NEXMIF: variants seen among roughly 807,000 people sequenced by gnomAD.
NEXMIF encodes the protein XLMR protein related to neurite extension.
Under a neutral mutation model 62.1 loss-of-function variants are expected in NEXMIF, and 8 were observed. That is an observed-to-expected ratio of 0.13 (90% confidence interval 0.08 to 0.23). NEXMIF has a LOEUF of 0.23. NEXMIF is among the 10% of genes least tolerant of loss of function. NEXMIF has a pLI of 1.00. For synonymous variants in NEXMIF, 404 were observed against 416.6 expected (o/e 0.97, Z 0.37); for missense variants, 976 against 1,113.3 (o/e 0.88, Z 1.75).
intron 1 of NEXMIF, among the ~76,000 whole-genome samples, chrX:74,788,580 G>A (rs1343223766): frequency 9.0e-6 from 1 of 110,808 alleles, no homozygotes; most frequent in East Asian, 2.8e-4. Flanking sequence ...TTTGCAATGA[G>A]GTCAGCAAGG....
chrX:74,791,614 T>G (rs1444622879), intron 1 of NEXMIF, among the ~76,000 whole-genome samples: 1 of 111,332 alleles, frequency 9.0e-6, no homozygotes, highest in Non-Finnish European at 1.9e-5. Flanking sequence ...TCCTGGACTC[T>G]TTTTGGTTGG....
At chrX:74,924,394 T>TGTGGTCGCC (rs1014666561) in intron 1 of NEXMIF, among the ~76,000 whole-genome samples, 1 of 113,060 alleles carries the variant, frequency 8.8e-6, no homozygotes, top group Non-Finnish European at 1.9e-5. Flanking sequence ...GGGGGCGCTC[T>TGTGGTCGCC]GTGGTCGCCA....
At chrX:74,763,102 C>A (rs1255360374) in intron 1 of NEXMIF, among the ~76,000 whole-genome samples, 1 of 111,749 alleles carries the variant, frequency 8.9e-6, no homozygotes, top group African/African-American at 3.3e-5. Context: ...GGTTTTAGGT[C>A]TAATATTTAA....
At chrX:74,910,250 G>A (rs1006681078) in intron 1 of NEXMIF, among the ~76,000 whole-genome samples, 2 of 112,546 alleles carry the variant, frequency 1.8e-5, no homozygotes, top group African/African-American at 6.5e-5. Context: ...AAGCCACAGA[G>A]GTGGAGCTGC....
rs997459712 is a variant in NEXMIF at position 74,735,765 on chromosome X, G to C, written c.*3640C>G. On this transcript the variant is annotated 3_prime_UTR_variant, in exon 4 of 4. Coordinates refer to ENST00000055682, the MANE Select transcript of NEXMIF (RefSeq NM_001008537.3). ...TTGACACATAGTTGCAGAGTAACAA[G>C]AAGTCAGAAGGGAAAGCTGGGAGGA... 4 of 111,979 alleles carry C rather than the reference G, an allele frequency of 3.6e-5. No homozygotes were observed. The highest frequency in any genetic ancestry group is 1.3e-4 in the African/African-American group (4 of 30,707). 9.2% of individuals were successfully genotyped at this position (111,979 alleles called of 1,213,427 possible). A position where few individuals can be genotyped will look rare whatever the true frequency, so the allele number is the denominator to read the frequency against.
intron 1 of NEXMIF, among the ~76,000 whole-genome samples, chrX:74,771,190 A>G (rs2080209143): frequency 8.9e-6 from 1 of 111,772 alleles, no homozygotes; most frequent in African/African-American, 3.2e-5. Flanking sequence ...TTCTAAGACA[A>G]CAAATGTACT....
intron 1 of NEXMIF, among the ~76,000 whole-genome samples, chrX:74,760,073 T>C (rs1402356538): frequency 8.9e-6 from 1 of 111,861 alleles, no homozygotes; most frequent in East Asian, 2.8e-4. Flanking sequence ...CTTTGAGCAG[T>C]GTTTTGTAAT....
intron 1 of NEXMIF, among the ~76,000 whole-genome samples, chrX:74,924,124 T>G (rs370613145): frequency 8.1e-5 from 9 of 111,589 alleles, no homozygotes; most frequent in Non-Finnish European, 1.7e-4. Context: ...GTTTCCACAC[T>G]TTCCCGGAGC....
chrX:74,874,556 G>A (rs2080620716), intron 1 of NEXMIF, among the ~76,000 whole-genome samples: 2 of 101,899 alleles, frequency 2.0e-5, no homozygotes, highest in African/African-American at 3.6e-5. Flanking sequence ...TGATGGGGAT[G>A]GCATTGAATC....
At chrX:74,901,149 T>A (rs1426145656) in intron 1 of NEXMIF, among the ~76,000 whole-genome samples, 1 of 112,042 alleles carries the variant, frequency 8.9e-6, no homozygotes, top group Non-Finnish European at 1.9e-5. Flanking sequence ...GTGGTTAAGA[T>A]GGTAAATTTT....
At chrX:74,797,959 G>C (rs1419666772) in intron 1 of NEXMIF, among the ~76,000 whole-genome samples, 2 of 112,289 alleles carry the variant, frequency 1.8e-5, no homozygotes, top group Non-Finnish European at 3.8e-5. Flanking sequence ...TGAGGGCAAC[G>C]TGAAAGCCAA....
At chrX:74,801,823 G>A (rs2080330644) in intron 1 of NEXMIF, among the ~76,000 whole-genome samples, 1 of 112,267 alleles carries the variant, frequency 8.9e-6, no homozygotes, top group African/African-American at 3.2e-5. Flanking sequence ...GGCCAGAGCA[G>A]AGCCCACTGC....
At chrX:74,890,801 T>G (rs73502805) in intron 1 of NEXMIF, among the ~76,000 whole-genome samples, 9,004 of 110,557 alleles carry the variant, frequency 0.081, 921 homozygotes, top group African/African-American at 0.28. Flanking sequence ...CAGTCATCAT[T>G]TGAAACTTTG....
intron 1 of NEXMIF, among the ~76,000 whole-genome samples, chrX:74,796,915 T>C (rs1319441626): frequency 1.8e-5 from 2 of 111,826 alleles, no homozygotes; most frequent in Non-Finnish European, 3.8e-5. Flanking sequence ...AAGGAAAAAG[T>C]AGTTGCTTTA....
intron 1 of NEXMIF, among the ~76,000 whole-genome samples, chrX:74,882,774 T>C (rs2080671269): frequency 1.8e-5 from 2 of 112,429 alleles, no homozygotes; most frequent in Non-Finnish European, 3.8e-5. Flanking sequence ...TAAATGTCCC[T>C]GTCTGACAGC....
At chrX:74,867,694 T>C (rs936742862) in intron 1 of NEXMIF, among the ~76,000 whole-genome samples, 2 of 112,152 alleles carry the variant, frequency 1.8e-5, no homozygotes, top group African/African-American at 6.5e-5. Flanking sequence ...GAAGACAACC[T>C]AAGCAATACC....
intron 1 of NEXMIF, among the ~76,000 whole-genome samples, chrX:74,788,305 T>C (rs978231864): frequency 8.9e-6 from 1 of 112,136 alleles, no homozygotes; most frequent in African/African-American, 3.2e-5. Flanking sequence ...TATTAATGTA[T>C]GATGCCACCT....
intron 1 of NEXMIF, among the ~76,000 whole-genome samples, chrX:74,907,339 C>CG (rs1412289216): frequency 3.1e-5 from 2 of 64,940 alleles, no homozygotes; most frequent in Non-Finnish European, 6.1e-5. Context: ...AGAGCACCCC[C>CG]CCCCCCGCCC....
At chrX:74,909,391 C>A (rs2080780057) in intron 1 of NEXMIF, among the ~76,000 whole-genome samples, 1 of 111,673 alleles carries the variant, frequency 9.0e-6, no homozygotes, top group African/African-American at 3.3e-5. Context: ...TGCCCCTGCC[C>A]TAGAGATTTG....
Sources: gnomAD v4.1 joint callset for allele counts (sites outside exome capture counted in the v4.1 genomes callset) on GRCh38, gnomAD v4.1.1 for gene constraint, MANE v1.5 for transcripts, NCBI Gene and HGNC (gene_info 2026-07-23, HGNC 2026-07-21) for gene names.